Variants in ACTL8 observed in about 807,000 individuals in gnomAD.
The protein encoded by ACTL8 is actin-like protein 8.
ACTL8 carries 3 observed loss-of-function variants against 9.3 expected under a neutral mutation model. That is an observed-to-expected ratio of 0.32 (90% CI 0.15 to 0.83). The LOEUF is 0.83. Among genes scored for constraint, ACTL8 ranks in the 40% least tolerant of loss-of-function variants. ACTL8 has a pLI of 0.57. For synonymous variants in ACTL8, 224 were observed against 205.9 expected, an observed-to-expected ratio of 1.09 and a Z score of -0.75; for missense variants, 381 against 492.2, an observed-to-expected ratio of 0.77 and a Z score of 2.14.
intron 1 of ACTL8, among the ~76,000 whole-genome samples, chr1:17,787,710 C>T (rs55857489): frequency 0.098 from 14,894 of 151,776 alleles, 855 homozygotes; most frequent in East Asian, 0.19. Flanking sequence ...CAAGATAAAC[C>T]TCCTTGCACG....
At chr1:17,806,223 G>A (rs759295647) in intron 1 of ACTL8, among the ~76,000 whole-genome samples, 3 of 152,320 alleles carry the variant, frequency 2.0e-5, no homozygotes, top group Admixed American at 6.5e-5. Context: ...CGACTGGTTA[G>A]TTTTACATTA....
intron 1 of ACTL8, among the ~76,000 whole-genome samples, chr1:17,762,566 T>C (rs1265963908): frequency 6.6e-6 from 1 of 152,150 alleles, no homozygotes; most frequent in Non-Finnish European, 1.5e-5. Context: ...TCCCTTTCTC[T>C]CGGCCAGGCA....
intron 1 of ACTL8, among the ~76,000 whole-genome samples, chr1:17,808,345 T>C (rs749017717): frequency 4.6e-5 from 7 of 152,166 alleles, no homozygotes; most frequent in Non-Finnish European, 7.3e-5. Context: ...CCTTCAAATG[T>C]TATTGTTAGT....
At chr1:17,805,938 G>A (rs2066357391) in intron 1 of ACTL8, among the ~76,000 whole-genome samples, 1 of 152,192 alleles carries the variant, frequency 6.6e-6, no homozygotes, top group African/African-American at 2.4e-5. Flanking sequence ...CAGGCTGGGA[G>A]GCCGTAGGGA....
chr1:17,803,521 G>A (rs1428655505), intron 1 of ACTL8, among the ~76,000 whole-genome samples: 3 of 152,270 alleles, frequency 2.0e-5, no homozygotes, highest in East Asian at 1.9e-4. Flanking sequence ...AGTAGAGAGG[G>A]GGTTTTGCCA....
At chr1:17,798,392 G>A (rs112688601) in intron 1 of ACTL8, among the ~76,000 whole-genome samples, 89 of 152,300 alleles carry the variant, frequency 5.8e-4, no homozygotes, top group African/African-American at 2.0e-3. Flanking sequence ...GCTGCTGGGA[G>A]GGAGGACCCA....
chr1:17,823,761 AC>A lies in ACTL8; in HGVS notation c.348+407del, dbSNP rs529307649. ...AAACAAACAAAAAAACCCAACAGAA[AC>A]CAACAAATTGCCCCACAAACATTTC... On this transcript the variant is annotated intron_variant, in intron 2 of 2. Transcript: ENST00000375406. This position sits in a 1 kb window ranked among gnomAD's most constrained non-coding sequence, Gnocchi z 5.3. 9.9e-5 allele frequency among the ~76,000 whole-genome samples: 15 copies of A among 151,964 alleles called. No homozygotes were observed. Among genetic ancestry groups the A allele is most frequent in the Non-Finnish European group, 7.4e-5 (5 of 67,976 alleles).
chr1:17,765,614 G>T (rs2066038851), intron 1 of ACTL8, among the ~76,000 whole-genome samples: 1 of 152,180 alleles, frequency 6.6e-6, no homozygotes, highest in Non-Finnish European at 1.5e-5. Flanking sequence ...GGTCTGACCA[G>T]AGCCCTGGCT....
intron 1 of ACTL8, among the ~76,000 whole-genome samples, chr1:17,822,240 G>C (rs2053668147): frequency 8.2e-6 from 1 of 121,702 alleles, no homozygotes; most frequent in Admixed American, 9.3e-5. Context: ...ATACCCCTAG[G>C]AAAGTAATCT....
At chr1:17,794,191 G>T (rs913554543) in intron 1 of ACTL8, among the ~76,000 whole-genome samples, 1 of 152,166 alleles carries the variant, frequency 6.6e-6, no homozygotes, top group African/African-American at 2.4e-5. Context: ...GTGGAGAGTG[G>T]GTAATATCTG....
intron 1 of ACTL8, among the ~76,000 whole-genome samples, chr1:17,809,409 G>T (rs2066379496): frequency 6.6e-6 from 1 of 152,132 alleles, no homozygotes; most frequent in African/African-American, 2.4e-5. Flanking sequence ...CAGAGGGTAA[G>T]GCAAACATAG....
chr1:17,792,883 C>G (rs2102688609), intron 1 of ACTL8, among the ~76,000 whole-genome samples: 1 of 152,298 alleles, frequency 6.6e-6, no homozygotes, highest in African/African-American at 2.4e-5. Context: ...GAGAACTAGA[C>G]AGAGGTCAGT....
At chr1:17,777,462 G>A (rs775860699) in intron 1 of ACTL8, among the ~76,000 whole-genome samples, 1 of 152,134 alleles carries the variant, frequency 6.6e-6, no homozygotes, top group Non-Finnish European at 1.5e-5. Context: ...ATAAACACGT[G>A]CCTGGTGGTG....
At chr1:17,813,550 T>C (rs536935696) in intron 1 of ACTL8, among the ~76,000 whole-genome samples, 255 of 152,366 alleles carry the variant, frequency 1.7e-3, no homozygotes, top group African/African-American at 5.8e-3. Flanking sequence ...AAGAATAATA[T>C]ATCTTCATGA....
chr1:17,802,450 T>TGTGTGTGTGTGTGTGTGTGC (rs1193858464), intron 1 of ACTL8, among the ~76,000 whole-genome samples: 9 of 150,714 alleles, frequency 6.0e-5, no homozygotes, highest in African/African-American at 2.2e-4. Flanking sequence ...TGTGTGTGTG[T>TGTGTGTGTGTGTGTGTGTGC]GTTGGAGGGC....
intron 1 of ACTL8, among the ~76,000 whole-genome samples, chr1:17,802,679 A>G (rs1037532962): frequency 2.6e-5 from 4 of 152,110 alleles, no homozygotes; most frequent in African/African-American, 9.7e-5. Context: ...TGCAGAAAAG[A>G]TATCTTCAAA....
At position 17,774,975 on chromosome 1, in the gene ACTL8, G is replaced by A. The variant is rs537690316; in HGVS notation, c.-25+19471G>A. Among the ~76,000 whole-genome samples, 12 of 152,272 alleles carry A rather than the reference G, an allele frequency of 7.9e-5. No individual in the cohort carries two copies. The East Asian group carries it at 9.7e-4, about 12-fold the overall frequency. ...TTTACCTGATTCCTAGACAGGAGGCGTGGGCTCTGGAATCTAGGTGAGGAG... is the reference window on the plus strand; with the variant it reads ...TTTACCTGATTCCTAGACAGGAGGCATGGGCTCTGGAATCTAGGTGAGGAG... On this transcript the variant is annotated intron_variant, in intron 1 of 2. Coordinates refer to ENST00000375406, the MANE Select transcript of ACTL8 (RefSeq NM_030812.3).
At chr1:17,821,936 T>G (rs1467285953) in intron 1 of ACTL8, among the ~76,000 whole-genome samples, 1 of 152,220 alleles carries the variant, frequency 6.6e-6, no homozygotes, top group East Asian at 1.9e-4. Flanking sequence ...TTGACTATTC[T>G]TTTACCAGTA....
At chr1:17,776,457 A>T (rs1213895479) in intron 1 of ACTL8, among the ~76,000 whole-genome samples, 1 of 152,078 alleles carries the variant, frequency 6.6e-6, no homozygotes, top group Non-Finnish European at 1.5e-5. Flanking sequence ...GTGTACAGCT[A>T]GTTCCAGGAG....
Sources: gnomAD v4.1 joint callset for allele counts (sites outside exome capture counted in the v4.1 genomes callset) on GRCh38, gnomAD v4.1.1 for gene constraint, Gnocchi (gnomAD v3.1) non-coding constraint, MANE v1.5 for transcripts, NCBI Gene and HGNC (gene_info 2026-07-23, HGNC 2026-07-21) for gene names.